Variants in CPNE8 observed in about 807,000 individuals in gnomAD.
CPNE8 encodes the protein copine 8, also known as copine-8.
Under a neutral mutation model 81.5 loss-of-function variants are expected in CPNE8, and 45 were observed. That is an observed-to-expected ratio of 0.55 (90% CI 0.44 to 0.71). The LOEUF is 0.71. Among genes scored for constraint, CPNE8 ranks in the 30% least tolerant of loss-of-function variants. The pLI, the probability that CPNE8 is intolerant of heterozygous loss-of-function variation, is 0.00. For synonymous variants in CPNE8, 252 were observed against 226.3 expected (o/e 1.11, Z -1.02); for missense variants, 594 against 672.1 (o/e 0.88, Z 1.28).
chr12:38,674,260 T>C (rs1939239971), intron 18 of CPNE8, among the ~76,000 whole-genome samples: 1 of 152,100 alleles, frequency 6.6e-6, no homozygotes, highest in African/African-American at 2.4e-5. Context: ...TTTGCATTTA[T>C]GAATCAGGTG....
At chr12:38,677,945 T>C (rs925835071) in intron 16 of CPNE8, among the ~76,000 whole-genome samples, 1 of 152,106 alleles carries the variant, frequency 6.6e-6, no homozygotes, top group East Asian at 1.9e-4. Context: ...GCTTTAAAAC[T>C]GAGACAATAA....
intron 6 of CPNE8, among the ~76,000 whole-genome samples, chr12:38,781,153 TA>T (rs1428479433): frequency 6.6e-6 from 1 of 151,994 alleles, no homozygotes; most frequent in Admixed American, 6.6e-5. Context: ...TACAATTATT[TA>T]AGTACTTTAT....
chr12:38,666,137 G>T (rs1442790699), intron 19 of CPNE8, among the ~76,000 whole-genome samples: 1 of 152,134 alleles, frequency 6.6e-6, no homozygotes, highest in African/African-American at 2.4e-5. Flanking sequence ...AACTTATCCA[G>T]GATCAGCTCT....
In CPNE8 at chr12:38,654,009, A is replaced by G; in HGVS notation, c.1568T>C (p.Leu523Ser). The G allele has an allele frequency of 1.2e-6, 2 of 1,613,738 alleles. No individual in the cohort carries two copies. The highest frequency in any genetic ancestry group is 1.7e-6 in the Non-Finnish European group (2 of 1,179,916). Residue 523 changes from leucine (L) to serine (S), a missense_variant, in exon 20 of 20, where the codon TTG becomes TCG. By Grantham distance (145) the Leu-to-Ser change is moderately radical. Coordinates refer to ENST00000331366, the MANE Select transcript of CPNE8 (RefSeq NM_153634.3). ...SGNHILSMAR[L>S]AKDVLAEIPE... Reference sequence around the variant, plus strand: ...GATCTCAGCTAGGACATCTTTAGCCAATCTAGCCATGCTCAGTATGTGGTT... The same window carrying G: ...GATCTCAGCTAGGACATCTTTAGCCGATCTAGCCATGCTCAGTATGTGGTT...
intron 10 of CPNE8, among the ~76,000 whole-genome samples, chr12:38,740,422 A>C: frequency 6.6e-6 from 1 of 152,208 alleles, no homozygotes; most frequent in Admixed American, 6.5e-5. Context: ...CAGAACTTCC[A>C]ACACTATGTT....
At chr12:38,757,340 T>C (rs1299993551) in intron 10 of CPNE8, among the ~76,000 whole-genome samples, 1 of 151,898 alleles carries the variant, frequency 6.6e-6, no homozygotes, top group East Asian at 1.9e-4. Context: ...AAAATCTACA[T>C]TGGGCAATTT....
At chr12:38,902,338 AAG>A (rs1447746086) in intron 1 of CPNE8, among the ~76,000 whole-genome samples, 1 of 83,686 alleles carries the variant, frequency 1.2e-5, no homozygotes, top group African/African-American at 7.1e-5. Flanking sequence ...GAAAGAAAGA[AAG>A]AAAGAAAGAA....
At chr12:38,862,714 C>T (rs1368070185) in intron 3 of CPNE8, among the ~76,000 whole-genome samples, 3 of 152,034 alleles carry the variant, frequency 2.0e-5, no homozygotes, top group East Asian at 1.9e-4. Context: ...TTTGGGAGGC[C>T]GAGGCAGGTG....
At chr12:38,729,386 T>C (rs1383615098) in intron 11 of CPNE8, among the ~76,000 whole-genome samples, 1 of 152,036 alleles carries the variant, frequency 6.6e-6, no homozygotes, top group Non-Finnish European at 1.5e-5. Context: ...TATACTACTA[T>C]ATAGAGCACA....
At chr12:38,737,719 G>T (rs545370954) in intron 10 of CPNE8, among the ~76,000 whole-genome samples, 1 of 152,020 alleles carries the variant, frequency 6.6e-6, no homozygotes, top group East Asian at 1.9e-4. Context: ...TTTTCACAGA[G>T]ATTAAACCTG....
chr12:38,902,390 A>AG, intron 1 of CPNE8, among the ~76,000 whole-genome samples: 1 of 84,904 alleles, frequency 1.2e-5, no homozygotes. Flanking sequence ...GAAAAGAAAG[A>AG]AAGAGAAAGA....
chr12:38,727,810 A>G (rs1012321583), intron 11 of CPNE8, among the ~76,000 whole-genome samples: 1 of 152,108 alleles, frequency 6.6e-6, no homozygotes, highest in Non-Finnish European at 1.5e-5. Flanking sequence ...CTAGAAGCCC[A>G]TGCCCTTTGA....
intron 19 of CPNE8, among the ~76,000 whole-genome samples, chr12:38,666,586 G>A (rs567509277): frequency 2.0e-5 from 3 of 152,236 alleles, no homozygotes; most frequent in South Asian, 4.1e-4. Context: ...AGGAGGAAGA[G>A]TATTCCAGGT....
chr12:38,797,919 T>C (rs949334726), intron 6 of CPNE8, among the ~76,000 whole-genome samples: 7 of 152,174 alleles, frequency 4.6e-5, no homozygotes, highest in Admixed American at 3.3e-4. Flanking sequence ...CCTCAGGAGC[T>C]GATGTGATCA....
intron 6 of CPNE8, among the ~76,000 whole-genome samples, chr12:38,823,023 C>T (rs1333489703): frequency 6.6e-6 from 1 of 152,002 alleles, no homozygotes; most frequent in African/African-American, 2.4e-5. Flanking sequence ...TGTATGTTTC[C>T]CACTTTTATG....
chr12:38,795,860 G>C (rs1942449718), intron 6 of CPNE8, among the ~76,000 whole-genome samples: 1 of 132,484 alleles, frequency 7.5e-6, no homozygotes, highest in Non-Finnish European at 1.6e-5. Flanking sequence ...ATGATAGATG[G>C]ATGGATGGAT....
At chr12:38,840,852 T>C (rs1197693097) in intron 4 of CPNE8, among the ~76,000 whole-genome samples, 1 of 152,172 alleles carries the variant, frequency 6.6e-6, no homozygotes, top group Non-Finnish European at 1.5e-5. Flanking sequence ...ATTAAAGAGT[T>C]TGTAGAAGTA....
At chr12:38,815,612 C>A (rs910700798) in intron 6 of CPNE8, among the ~76,000 whole-genome samples, 1 of 152,160 alleles carries the variant, frequency 6.6e-6, no homozygotes, top group African/African-American at 2.4e-5. Flanking sequence ...ATGAAACACA[C>A]TATGCTCACT....
At chr12:38,796,310 A>G (rs1159134012) in intron 6 of CPNE8, among the ~76,000 whole-genome samples, 1 of 152,082 alleles carries the variant, frequency 6.6e-6, no homozygotes, top group Non-Finnish European at 1.5e-5. Context: ...CAAAAAAAAA[A>G]TCTTGAACTC....
Sources: gnomAD v4.1 joint callset for allele counts (sites outside exome capture counted in the v4.1 genomes callset) on GRCh38, gnomAD v4.1.1 for gene constraint, MANE v1.5 for transcripts, NCBI Gene and HGNC (gene_info 2026-07-23, HGNC 2026-07-21) for gene names.